Variants in ATIC observed in about 807,000 individuals in gnomAD.
ATIC encodes the protein 5-aminoimidazole-4-carboxamide ribonucleotide formyltransferase/IMP cyclohydrolase, also known as bifunctional purine biosynthesis protein ATIC.
Under a neutral mutation model 72.5 loss-of-function variants are expected in ATIC, and 64 were observed. That is an observed-to-expected ratio of 0.88 (90% CI 0.72 to 1.09). The LOEUF is 1.09. Ranked by LOEUF, ATIC falls within the 50% of genes least tolerant of loss-of-function variation. The pLI is 0.00. For missense variants in ATIC, 787 were observed against 732.4 expected, an observed-to-expected ratio of 1.07 and a Z score of -0.86; for synonymous variants, 281 against 267.1, an observed-to-expected ratio of 1.05 and a Z score of -0.51.
chr2:215,360,647 T>C, the ATIC span: 1 of 152,496 alleles, frequency 6.6e-6, no homozygotes, highest in Admixed American at 6.5e-5. Context: ...CTTAAATCTA[T>C]TAAAGCAGAA....
chr2:215,319,610 C>A, intron 3 of ATIC, 55 bp from the exon 4 acceptor site: 1 of 1,287,072 alleles, frequency 7.8e-7, no homozygotes, highest in Non-Finnish European at 1.1e-6. Context: ...AAAGACATTC[C>A]TTAATCTGAC....
At chr2:215,362,543 G>A in the ATIC span, 6 of 178,432 alleles carry the variant, frequency 3.4e-5, no homozygotes. Flanking sequence ...AAGTCACACA[G>A]TGGACCACTG....
Position 215,349,229 on chromosome 2 carries a change from A to G in ATIC, c.1639A>G (p.Asn547Asp). The G allele has an allele frequency of 6.2e-7, 1 of 1,614,198 alleles. No individual in the cohort carries two copies. The highest frequency in any genetic ancestry group is 8.5e-7 in the Non-Finnish European group (1 of 1,180,030). Residue 547 changes from asparagine (N) to aspartate (D), a missense_variant, in exon 15 of 16, where the codon AAC becomes GAC. Physicochemically the swap from Asn to Asp is conservative, Grantham distance 23. Transcript: ENST00000236959. ...TGATGCCTTCTTCCCTTTCCGAGAT[A>G]ACGTAGACAGAGCTAAAAGGGTAAG... is the stretch of plus-strand genomic sequence containing the variant. Reference protein sequence around the residue: ...SSDAFFPFRDNVDRAKRSGVA... With the variant: ...SSDAFFPFRDDVDRAKRSGVA...
chr2:215,318,104 A>G, intron 2 of ATIC, 53 bp from the exon 3 acceptor site: 1 of 1,509,274 alleles, frequency 6.6e-7, no homozygotes, highest in African/African-American at 1.4e-5. Flanking sequence ...TTGAATAGTG[A>G]AAATTACAAT....
chr2:215,335,150 T>C (rs1027092201), intron 10 of ATIC, 146 bp downstream of exon 10: 10 of 439,584 alleles, frequency 2.3e-5, no homozygotes, highest in African/African-American at 1.5e-4. Context: ...ATATTTTAAA[T>C]AGAACATTAA....
intron 13 of ATIC, 64 bp from the exon 14 acceptor site, chr2:215,346,695 A>G (rs1469674760): frequency 6.3e-7 from 1 of 1,575,798 alleles, no homozygotes; most frequent in Non-Finnish European, 8.7e-7. Flanking sequence ...ATGTGCACAA[A>G]AGATCCTTTT....
At chr2:215,348,507 T>A (rs958337451) in intron 14 of ATIC, among the ~76,000 whole-genome samples, 2 of 152,130 alleles carry the variant, frequency 1.3e-5, no homozygotes, top group Admixed American at 6.5e-5. Flanking sequence ...ATAAAAAAAA[T>A]TACATATGTA....
chr2:215,312,142 C>T lies in ATIC; in HGVS notation c.-1C>T, dbSNP rs1350987060. ...TCGCCCTGAACCCAGTGCCTGCAGC[C>T]ATGGCTCCCGGCCAGCTCGGTGAGG... On this transcript the variant is annotated 5_prime_UTR_variant, in exon 1 of 16. Coordinates refer to ENST00000236959, the MANE Select transcript of ATIC (RefSeq NM_004044.7). 2.6e-6 allele frequency: 4 copies of T among 1,526,178 alleles called. No homozygotes were observed. The highest frequency in any genetic ancestry group is 2.3e-4 in the Middle Eastern group (1 of 4,418). 94.5% of individuals were successfully genotyped at this position (1,526,178 alleles called of 1,614,324 possible).
At chr2:215,348,822 G>C (rs2053098953) in intron 14 of ATIC, 1 of 320,212 alleles carries the variant, frequency 3.1e-6, no homozygotes, top group African/African-American at 2.3e-5. Flanking sequence ...GCTGGGTGTG[G>C]TGGTGTGCAC....
the ATIC span, among the ~76,000 whole-genome samples, chr2:215,357,121 C>G: frequency 9.9e-5 from 15 of 152,214 alleles, no homozygotes; most frequent in Non-Finnish European, 2.1e-4. Flanking sequence ...CAGCACTTGG[C>G]TCAGCATCTT....
intron 11 of ATIC, 46 bp downstream of exon 11, chr2:215,336,170 G>T (rs1374378086): frequency 7.1e-7 from 1 of 1,404,000 alleles, no homozygotes; most frequent in Non-Finnish European, 1.0e-6. Context: ...CTTTTATTCT[G>T]TGTCTCTTTC....
chr2:215,331,678 G>A (rs572159038), intron 7 of ATIC, among the ~76,000 whole-genome samples: 8 of 152,112 alleles, frequency 5.3e-5, no homozygotes, highest in African/African-American at 1.7e-4. Flanking sequence ...CATTGTACCC[G>A]GCTCATTTTT....
intron 4 of ATIC, among the ~76,000 whole-genome samples, chr2:215,322,998 G>A (rs1336338720): frequency 6.6e-6 from 1 of 152,156 alleles, no homozygotes; most frequent in East Asian, 1.9e-4. Context: ...AGGCTGGAGT[G>A]CAGTGGCGCG....
intron 4 of ATIC, among the ~76,000 whole-genome samples, chr2:215,323,766 C>T (rs1002876715): frequency 3.9e-5 from 6 of 152,054 alleles, no homozygotes; most frequent in Admixed American, 6.5e-5. Context: ...TAAGAATGGA[C>T]ATTATTGTTT....
At chr2:215,353,657 G>T (rs552217087), downstream of ATIC, among the ~76,000 whole-genome samples, 1 of 152,146 alleles carries the variant, frequency 6.6e-6, no homozygotes, top group Non-Finnish European at 1.5e-5. Flanking sequence ...CACCTCCCAG[G>T]TTCAATTGAT....
In ATIC at chr2:215,339,778, G is replaced by A. The variant is rs1184675145; in HGVS notation, c.1227+871G>A. ...GCCTCCCAAGTAGCTGGGACTACAG[G>A]CGCCCGCCACAACGCCTGGCTAATT... On this transcript the variant is annotated intron_variant, in intron 12 of 15. Coordinates refer to ENST00000236959, the MANE Select transcript of ATIC (RefSeq NM_004044.7). 2.0e-5 allele frequency among the ~76,000 whole-genome samples: 3 copies of A among 150,892 alleles called. No homozygotes were observed. The East Asian group carries it at 6.0e-4, about 30-fold the overall frequency.
At position 215,335,997 on chromosome 2, in the gene ATIC, T is replaced by G; in HGVS notation, c.1009-38T>G. ...GATTTTTTTAAGAGGTGTTCTCTGATTTTTAAAAATAGAAATTAAAATTTA... is the reference window on the plus strand; with the variant it reads ...GATTTTTTTAAGAGGTGTTCTCTGAGTTTTAAAAATAGAAATTAAAATTTA... On this transcript the variant is annotated intron_variant, in intron 10 of 15. Transcript: ENST00000236959. The G allele has an allele frequency of 2.0e-6, 3 of 1,502,424 alleles. No individual in the cohort carries two copies. In the South Asian group the frequency reaches 3.5e-5, roughly 18 times the overall value. The allele number at this position is 1,502,424 out of a possible 1,614,324, so 93.1% of individuals were successfully genotyped here.
intron 10 of ATIC, 47 bp from the exon 11 acceptor site, chr2:215,335,988 G>A (rs765064164): frequency 7.6e-6 from 11 of 1,447,512 alleles, no homozygotes; most frequent in Middle Eastern, 1.9e-4. Flanking sequence ...TTTAAGAGGT[G>A]TTCTCTGATT....
chr2:215,365,136 T>C, the ATIC span: 1 of 705,306 alleles, frequency 1.4e-6, no homozygotes, highest in East Asian at 2.7e-5. Flanking sequence ...GCAGTACTGC[T>C]ATACAGATCT....
Sources: gnomAD v4.1 joint callset for allele counts (sites outside exome capture counted in the v4.1 genomes callset) on GRCh38, gnomAD v4.1.1 for gene constraint, MANE v1.5 for transcripts, NCBI Gene and HGNC (gene_info 2026-07-23, HGNC 2026-07-21) for gene names.